Variants in MEGF9 observed in about 807,000 individuals in gnomAD.
MEGF9 encodes the protein multiple EGF like domains 9, also known as multiple epidermal growth factor-like domains protein 9.
A neutral mutation model predicts 46.8 loss-of-function variants in MEGF9; 6 were observed. The ratio of observed to expected loss-of-function variants is 0.13; its 90% CI spans 0.07 to 0.25. The LOEUF (loss-of-function observed/expected upper bound fraction) is 0.25. Ranked by LOEUF, MEGF9 falls within the 10% of genes least tolerant of loss-of-function variation. MEGF9 has a pLI of 1.00. For synonymous variants in MEGF9, 302 were observed against 330.7 expected (o/e 0.91, Z 0.94); for missense variants, 683 against 792.4 (o/e 0.86, Z 1.66).
chr9:120,664,929 A>C (rs2043718372), intron 1 of MEGF9, among the ~76,000 whole-genome samples: 1 of 152,226 alleles, frequency 6.6e-6, no homozygotes, highest in Admixed American at 6.5e-5. Flanking sequence ...ATGCGGAGTG[A>C]TATTTCAATA....
intron 1 of MEGF9, among the ~76,000 whole-genome samples, chr9:120,712,135 G>A (rs1216628919): frequency 3.3e-5 from 5 of 152,132 alleles, no homozygotes; most frequent in Admixed American, 3.3e-4. Context: ...ACCCACGCCT[G>A]TAGTCTCAGC....
chr9:120,606,096 G>C (rs945936392), intron 5 of MEGF9, among the ~76,000 whole-genome samples: 1 of 151,598 alleles, frequency 6.6e-6, no homozygotes, highest in African/African-American at 2.4e-5. Context: ...GTTTGAAGCT[G>C]GGAGGCAGAG....
At chr9:120,652,185 A>C (rs1461765919) in intron 2 of MEGF9, among the ~76,000 whole-genome samples, 18 of 137,558 alleles carry the variant, frequency 1.3e-4, no homozygotes, top group South Asian at 7.3e-4. Flanking sequence ...CACACACAAA[A>C]AAAAAAAAAA....
intron 2 of MEGF9, among the ~76,000 whole-genome samples, chr9:120,637,411 A>C (rs778165586): frequency 1.2e-4 from 18 of 151,860 alleles, no homozygotes; most frequent in Non-Finnish European, 2.2e-4. Context: ...ACACCCAAGA[A>C]TGATCAATAA....
At chr9:120,621,763 G>A (rs535042679) in intron 3 of MEGF9, among the ~76,000 whole-genome samples, 70 of 152,198 alleles carry the variant, frequency 4.6e-4, no homozygotes, top group Middle Eastern at 6.8e-3. Context: ...ACCAGAGAGG[G>A]CTCCCCTTTC....
At chr9:120,696,170 T>C (rs2043876116) in intron 1 of MEGF9, among the ~76,000 whole-genome samples, 1 of 152,230 alleles carries the variant, frequency 6.6e-6, no homozygotes, top group Non-Finnish European at 1.5e-5. Flanking sequence ...CCTCTGGAGA[T>C]TCTGTGAACT....
At chr9:120,688,062 C>T (rs2043831398) in intron 1 of MEGF9, among the ~76,000 whole-genome samples, 1 of 151,432 alleles carries the variant, frequency 6.6e-6, no homozygotes, top group African/African-American at 2.4e-5. Flanking sequence ...ATCTATTTGT[C>T]CTATCTAGGT....
At chr9:120,680,646 G>A (rs1218641432) in intron 1 of MEGF9, among the ~76,000 whole-genome samples, 12 of 152,070 alleles carry the variant, frequency 7.9e-5, no homozygotes, top group Admixed American at 7.9e-4. Context: ...CTAGACCCTG[G>A]ATGTATCCAG....
chr9:120,608,101 TC>T, intron 4 of MEGF9, 91 bp from the exon 5 acceptor site: 1 of 1,464,144 alleles, frequency 6.8e-7, no homozygotes, highest in Non-Finnish European at 9.3e-7. Context: ...AGATTTATAA[TC>T]CCAGAACTTT....
chr9:120,673,119 AT>A (rs931854099), intron 1 of MEGF9, among the ~76,000 whole-genome samples: 4 of 152,248 alleles, frequency 2.6e-5, no homozygotes, highest in African/African-American at 9.6e-5. Flanking sequence ...AATTTTTAAA[AT>A]TTTAATACCA....
At chr9:120,635,103 C>CT (rs966354076) in intron 2 of MEGF9, among the ~76,000 whole-genome samples, 11 of 151,458 alleles carry the variant, frequency 7.3e-5, no homozygotes, top group East Asian at 3.9e-4. Flanking sequence ...TCTTGGTTCA[C>CT]TTTTTTTTTC....
intron 2 of MEGF9, among the ~76,000 whole-genome samples, chr9:120,634,446 CTTTTTTT>C (rs1158273579): frequency 4.6e-3 from 216 of 46,884 alleles, no homozygotes; most frequent in Non-Finnish European, 6.6e-3. Context: ...TGTGGAATAT[CTTTTTTT>C]TTTTTTTTTT....
At chr9:120,689,707 G>A (rs1273125653) in intron 1 of MEGF9, among the ~76,000 whole-genome samples, 1 of 152,074 alleles carries the variant, frequency 6.6e-6, no homozygotes, top group Non-Finnish European at 1.5e-5. Context: ...TGAATCATGT[G>A]TGCCAATGAA....
chr9:120,607,651 T>A, intron 5 of MEGF9, 90 bp downstream of exon 5: 1 of 1,374,412 alleles, frequency 7.3e-7, no homozygotes, highest in African/African-American at 1.4e-5. Context: ...CAGAAACTCC[T>A]CTGGTAGGGT....
chr9:120,649,056 G>A lies in MEGF9; in HGVS notation c.803+10318C>T, dbSNP rs1228629082. On this transcript the variant is annotated intron_variant, in intron 2 of 5. Coordinates refer to ENST00000373930, the MANE Select transcript of MEGF9 (RefSeq NM_001080497.3). Reference sequence around the variant, plus strand: ...AATGGCACAGTATTTGCATATGCACGTCCTCCCAGATACTTTAAGGTTACT... The same window carrying A: ...AATGGCACAGTATTTGCATATGCACATCCTCCCAGATACTTTAAGGTTACT... 3.3e-5 allele frequency among the ~76,000 whole-genome samples: 5 copies of A among 152,038 alleles called. No homozygotes were observed. The East Asian group carries it at 5.8e-4, about 18-fold the overall frequency.
rs535834373 is a variant in MEGF9 at position 120,693,224 on chromosome 9, T to C, written c.601+20534A>G. On this transcript the variant is annotated intron_variant, in intron 1 of 5. Coordinates refer to ENST00000373930, the MANE Select transcript of MEGF9 (RefSeq NM_001080497.3). ...TAGTGAAGCACTGTTAAAGACCAAT[T>C]TGAGCATGGCAAGAAAAAATAAAGA... is the stretch of plus-strand genomic sequence containing the variant. Among the ~76,000 whole-genome samples, 3 of 144,906 alleles carry C rather than the reference T, an allele frequency of 2.1e-5. No homozygotes were observed. The South Asian group carries it at 6.4e-4, about 31-fold the overall frequency.
At chr9:120,709,964 G>T (rs919617297) in intron 1 of MEGF9, among the ~76,000 whole-genome samples, 4 of 147,904 alleles carry the variant, frequency 2.7e-5, no homozygotes, top group South Asian at 4.2e-4. Flanking sequence ...CAAGAGAATC[G>T]CTTGAACCCG....
chr9:120,609,398 G>C (rs974804332), intron 4 of MEGF9, among the ~76,000 whole-genome samples: 3 of 152,166 alleles, frequency 2.0e-5, no homozygotes, highest in Non-Finnish European at 2.9e-5. Flanking sequence ...GATTCCCTCA[G>C]TTTAGGATAG....
chr9:120,646,507 A>G (rs752492023), intron 2 of MEGF9, among the ~76,000 whole-genome samples: 1 of 151,876 alleles, frequency 6.6e-6, no homozygotes, highest in African/African-American at 2.4e-5. Context: ...ATCTTTTTTC[A>G]CTTCTGTATG....
Sources: allele counts gnomAD v4.1 joint callset (sites outside exome capture counted in the v4.1 genomes callset), GRCh38; gene constraint gnomAD v4.1.1; transcripts MANE v1.5; gene names NCBI Gene and HGNC (gene_info 2026-07-23, HGNC 2026-07-21).